The following PTPRQ variants were observed in gnomAD, a reference collection of about 807,000 sequenced individuals.
PTPRQ encodes the protein phosphatidylinositol phosphatase PTPRQ.
PTPRQ carries 199 observed loss-of-function variants against 246.0 expected under a neutral mutation model. The observed-to-expected ratio is 0.81, with a 90% CI of 0.72 to 0.91. PTPRQ has a LOEUF of 0.91. Ranked by LOEUF, PTPRQ falls within the 40% of genes least tolerant of loss-of-function variation. The pLI, the probability that PTPRQ is intolerant of heterozygous loss-of-function variation, is 0.00. For missense variants in PTPRQ, 2,624 were observed against 2,528.4 expected, an observed-to-expected ratio of 1.04 and a Z score of -0.81; for synonymous variants, 869 against 853.2, an observed-to-expected ratio of 1.02 and a Z score of -0.32.
At chr12:80,541,271 G>C (rs557671175) in intron 20 of PTPRQ, among the ~76,000 whole-genome samples, 1 of 151,298 alleles carries the variant, frequency 6.6e-6, no homozygotes, top group Non-Finnish European at 1.5e-5. Flanking sequence ...GCACACACAC[G>C]CACACACACA....
intron 10 of PTPRQ, 67 bp from the exon 11 acceptor site, chr12:80,494,865 GA>G (rs1294524411): frequency 2.7e-6 from 4 of 1,462,560 alleles, no homozygotes; most frequent in African/African-American, 2.9e-5. Flanking sequence ...TATAGTCTAA[GA>G]AAAAAATAAT....
chr12:80,602,168 A>T (rs1469024987), intron 26 of PTPRQ, among the ~76,000 whole-genome samples: 1 of 151,752 alleles, frequency 6.6e-6, no homozygotes, highest in Non-Finnish European at 1.5e-5. Context: ...GTCACTCCAA[A>T]GGTATTTGTT....
At chr12:80,450,997 C>A (rs984762913) in intron 3 of PTPRQ, among the ~76,000 whole-genome samples, 4 of 152,196 alleles carry the variant, frequency 2.6e-5, no homozygotes, top group Non-Finnish European at 5.9e-5. Context: ...GGCTGTGAAT[C>A]CGTCTGGTCC....
chr12:80,505,893 G>T, intron 14 of PTPRQ, 131 bp from the exon 15 acceptor site: 1 of 1,073,656 alleles, frequency 9.3e-7, no homozygotes, highest in South Asian at 2.3e-5. Context: ...ACTTCATTCA[G>T]GATATTTATT....
chr12:80,513,253 G>A (rs1259360823), intron 17 of PTPRQ, among the ~76,000 whole-genome samples: 1 of 152,064 alleles, frequency 6.6e-6, no homozygotes, highest in Non-Finnish European at 1.5e-5. Context: ...CAGCAGAGGG[G>A]GGAGCCAGAG....
At chr12:80,622,441 G>T (rs1364231025) in intron 33 of PTPRQ, among the ~76,000 whole-genome samples, 1 of 152,002 alleles carries the variant, frequency 6.6e-6, no homozygotes, top group Non-Finnish European at 1.5e-5. Context: ...ATTTTTGGCT[G>T]CCATAACAGG....
chr12:80,534,788 AT>A, intron 18 of PTPRQ, 103 bp from the exon 19 acceptor site: 1 of 1,375,246 alleles, frequency 7.3e-7, no homozygotes, highest in South Asian at 1.6e-5. Flanking sequence ...TTTGAAAAAC[AT>A]TTTTTATCAC....
rs1490971387 is a variant in PTPRQ, at chr12:80,613,642, G to A, written c.4969G>A (p.Val1657Ile). ...NMTFQKIPDE[V>I]TKFQLTFLPP... ...GACATTTCAGAAGATACCAGATGAA[G>A]TTACAAAATTTCAATTAACGTTCCT... Residue 1657 changes from valine to isoleucine, a missense_variant, in exon 29 of 45, where the codon GTT becomes ATT. Transcript: ENST00000644991. 1 of 1,545,404 alleles carries A rather than the reference G, an allele frequency of 6.5e-7. No homozygotes were observed. The highest frequency in any genetic ancestry group is 1.2e-5 in the South Asian group (1 of 83,700).
At position 80,669,449 on chromosome 12, in the gene PTPRQ, T is replaced by C. The variant is rs748940567; in HGVS notation, c.6438T>C (p.Asp2146=). 5.2e-6 allele frequency: 8 copies of C among 1,543,980 alleles called. No homozygotes were observed. In the African/African-American group the frequency reaches 1.1e-4, roughly 21 times the overall value. ...TTCAAATAGATTGGACTATCAGGGA[T>C]CTGAAAATTGAAAGGGTAAAAAAAA... ...EDVQIDWTIR[D]LKIERHGDCM... Residue 2146 remains aspartate, a synonymous_variant, in exon 41 of 45, where the codon GAT becomes GAC. Transcript: ENST00000644991.
At chr12:80,662,882 T>C (rs527655159) in intron 39 of PTPRQ, among the ~76,000 whole-genome samples, 1 of 152,136 alleles carries the variant, frequency 6.6e-6, no homozygotes, top group African/African-American at 2.4e-5. Context: ...TCAGAAAAAC[T>C]CAAAAGTTTG....
rs370473520 is a variant in PTPRQ, at chr12:80,536,996, C to T, written c.2985+1959C>T. On this transcript the variant is annotated intron_variant, in intron 19 of 44. Coordinates refer to ENST00000644991, the MANE Select transcript of PTPRQ (RefSeq NM_001145026.2). ...CATAAGTATCAAACTATGGTTCCAA[C>T]GTGATCTTCTAAACCTACTTATTCA... Among the ~76,000 whole-genome samples the T allele has an allele frequency of 3.3e-5, 5 of 152,258 alleles. No individual in the cohort carries two copies. The South Asian group carries it at 6.2e-4, about 19-fold the overall frequency.
At chr12:80,514,543 A>G (rs1210244219) in intron 17 of PTPRQ, among the ~76,000 whole-genome samples, 4 of 144,328 alleles carry the variant, frequency 2.8e-5, no homozygotes, top group African/African-American at 1.0e-4. Flanking sequence ...TAGAAACTGT[A>G]TATATATATA....
At position 80,619,499 on chromosome 12, in the gene PTPRQ, T is replaced by C. The variant is rs765105230; in HGVS notation, c.5346T>C (p.His1782=). 1.2e-5 allele frequency: 19 copies of C among 1,542,720 alleles called. No individual in the cohort carries two copies. Among genetic ancestry groups the C allele is most frequent in the Middle Eastern group, 3.3e-4 (2 of 5,976 alleles). The change falls in exon 31 of 45, where the codon CAT becomes CAC. Residue 1782 remains histidine, a synonymous_variant. Coordinates refer to ENST00000644991, the MANE Select transcript of PTPRQ (RefSeq NM_001145026.2). ...CAATATGTTACTACAGTGATGATCA[T>C]GGACCAATAAAAAATGTACAAGTGC... ...RMPICYYSDD[H]GPIKNVQVLV...
intron 30 of PTPRQ, among the ~76,000 whole-genome samples, chr12:80,616,685 A>C (rs1898775074): frequency 6.6e-6 from 1 of 151,172 alleles, no homozygotes; most frequent in South Asian, 2.1e-4. Context: ...TCAGTTAATT[A>C]AATAGTGTTT....
chr12:80,653,619 T>C (rs1900326856), intron 38 of PTPRQ, among the ~76,000 whole-genome samples: 1 of 152,190 alleles, frequency 6.6e-6, no homozygotes, highest in Admixed American at 6.5e-5. Flanking sequence ...TTTTTGTCTA[T>C]GCTTTTTCAA....
intron 26 of PTPRQ, among the ~76,000 whole-genome samples, chr12:80,591,117 T>C (rs911925446): frequency 4.0e-5 from 6 of 148,920 alleles, no homozygotes; most frequent in Admixed American, 1.3e-4. Flanking sequence ...GCCTTGATCA[T>C]TGCTTTTTTT....
chr12:80,609,878 G>A (rs1371280233), intron 27 of PTPRQ, among the ~76,000 whole-genome samples: 3 of 150,572 alleles, frequency 2.0e-5, no homozygotes, highest in African/African-American at 7.3e-5. Flanking sequence ...CTTATCTTCT[G>A]AATTATGTTA....
At chr12:80,592,212 A>T (rs1897823298) in intron 26 of PTPRQ, among the ~76,000 whole-genome samples, 1 of 152,206 alleles carries the variant, frequency 6.6e-6, no homozygotes, top group Non-Finnish European at 1.5e-5. Context: ...GATAACAAAC[A>T]TATGATTGCA....
At position 80,622,099 on chromosome 12, in the gene PTPRQ, C is replaced by T; in HGVS notation, c.5651C>T (p.Thr1884Ile). ...GCTACAAATATTATGGGACAATTTA[C>T]TGACTCTGATTATTCTGACCCTGTT... Reference protein sequence around the residue: ...FRATNIMGQFTDSDYSDPVKT... With the variant: ...FRATNIMGQFIDSDYSDPVKT... The change falls in exon 33 of 45, where the codon ACT becomes ATT. Residue 1884 changes from threonine to isoleucine, a missense_variant. By Grantham distance (89) the Thr-to-Ile change is moderately conservative. Transcript: ENST00000644991. 1.4e-6 allele frequency: 2 copies of T among 1,447,658 alleles called. No individual in the cohort carries two copies. Among genetic ancestry groups the T allele is most frequent in the Admixed American group, 3.0e-5 (1 of 33,816 alleles). 89.7% of individuals were successfully genotyped at this position (1,447,658 alleles called of 1,614,324 possible).
Sources: allele counts gnomAD v4.1 joint callset (sites outside exome capture counted in the v4.1 genomes callset), GRCh38; gene constraint gnomAD v4.1.1; transcripts MANE v1.5; gene names NCBI Gene and HGNC (gene_info 2026-07-23, HGNC 2026-07-21).